ETV1: variants seen among roughly 807,000 people sequenced by gnomAD.
ETV1 encodes the protein ETS translocation variant 1.
ETV1 carries 27 observed loss-of-function variants against 62.3 expected under a neutral mutation model. The observed-to-expected ratio is 0.43, with a 90% CI of 0.32 to 0.60. ETV1 has a LOEUF of 0.60. Ranked by LOEUF, ETV1 falls within the 20% of genes least tolerant of loss-of-function variation. The pLI, the probability that ETV1 is intolerant of heterozygous loss-of-function variation, is 0.06. For synonymous variants in ETV1, 222 were observed against 199.6 expected (o/e 1.11, Z -0.94); for missense variants, 605 against 605.8 (o/e 1.00, Z 0.01).
chr7:13,891,433 C>G lies in ETV1; in HGVS notation c.*4433G>C. ...ACTGGAGTCTATATGCAAAAAAGAC[C>G]CTACCTTACATATGAATCCATAAAC... On this transcript the variant is annotated 3_prime_UTR_variant, in exon 14 of 14. Transcript: ENST00000430479. 1 of 231,446 alleles carries G rather than the reference C, an allele frequency of 4.3e-6. No homozygotes were observed. The highest frequency in any genetic ancestry group is 8.5e-6 in the Non-Finnish European group (1 of 117,086). 14.3% of individuals were successfully genotyped at this position (231,446 alleles called of 1,614,324 possible). A position where few individuals can be genotyped will look rare whatever the true frequency, so the allele number is the denominator to read the frequency against.
At position 13,972,635 on chromosome 7, in the gene ETV1, A is replaced by G. The variant is rs76571592; in HGVS notation, c.235+4792T>C. On this transcript the variant is annotated intron_variant, in intron 6 of 13. Coordinates refer to ENST00000430479, the MANE Select transcript of ETV1 (RefSeq NM_004956.5). Reference sequence around the variant, plus strand: ...ATTAAGCACATCCTAACGTAATTCTATTTTTTCCAACAGAGTGTCTGAGAT... The same window carrying G: ...ATTAAGCACATCCTAACGTAATTCTGTTTTTTCCAACAGAGTGTCTGAGAT... Among the ~76,000 whole-genome samples the G allele has an allele frequency of 9.3e-4, 142 of 152,192 alleles. No homozygotes were observed. In the East Asian group the frequency reaches 0.025, roughly 26 times the overall value.
At position 13,989,146 on chromosome 7, in the gene ETV1, G is replaced by A. The variant is rs1583923668; in HGVS notation, c.-87-7C>T. On this transcript the variant is annotated splice_region_variant and splice_polypyrimidine_tract_variant and intron_variant, in intron 2 of 13. Transcript: ENST00000430479. ...GATCTGGACTTCTATCAACCTAGAGGGGAACAAGATGGCTTTTAGGCTTAA... is the reference window on the plus strand; with the variant it reads ...GATCTGGACTTCTATCAACCTAGAGAGGAACAAGATGGCTTTTAGGCTTAA... 2 of 1,101,976 alleles carry A rather than the reference G, an allele frequency of 1.8e-6. No homozygotes were observed. The highest frequency in any genetic ancestry group is 2.6e-6 in the Non-Finnish European group (2 of 757,474). The allele number at this position is 1,101,976 out of a possible 1,614,324, so 68.3% of individuals were successfully genotyped here.
chr7:13,973,037 C>A (rs1781062892), intron 6 of ETV1, among the ~76,000 whole-genome samples: 1 of 152,176 alleles, frequency 6.6e-6, no homozygotes, highest in Admixed American at 6.5e-5. Context: ...CAGCAACAAA[C>A]AATGCTCAGG....
intron 5 of ETV1, among the ~76,000 whole-genome samples, chr7:13,983,079 A>AT (rs1782163054): frequency 6.6e-6 from 1 of 151,674 alleles, no homozygotes; most frequent in Admixed American, 6.6e-5. Flanking sequence ...TTGCTGTAGA[A>AT]AGGTTGTTCT....
At chr7:13,940,221 G>C (rs1343666209) in intron 6 of ETV1, among the ~76,000 whole-genome samples, 1 of 152,032 alleles carries the variant, frequency 6.6e-6, no homozygotes, top group Non-Finnish European at 1.5e-5. Context: ...AATTAGGCCG[G>C]TATGATGGCA....
Position 13,892,513 on chromosome 7 carries a change from C to T in ETV1, c.*3353G>A. ...TAAATCAATTAGAGTCTTTGCTACA[C>T]AGTCTTCCTCCTCCGTGCGGTGTTC... On this transcript the variant is annotated 3_prime_UTR_variant, in exon 14 of 14. Coordinates refer to ENST00000430479, the MANE Select transcript of ETV1 (RefSeq NM_004956.5). 4.3e-6 allele frequency: 1 copy of T among 232,972 alleles called. No homozygotes were observed. Among genetic ancestry groups the T allele is most frequent in the Non-Finnish European group, 8.5e-6 (1 of 117,888 alleles). 14.4% of individuals were successfully genotyped at this position (232,972 alleles called of 1,614,324 possible). A position where few individuals can be genotyped will look rare whatever the true frequency, so the allele number is the denominator to read the frequency against.
intron 5 of ETV1, among the ~76,000 whole-genome samples, chr7:13,985,050 T>G (rs1000084061): frequency 1.3e-5 from 2 of 151,994 alleles, no homozygotes; most frequent in Non-Finnish European, 2.9e-5. Context: ...TGCACTGACT[T>G]GGAATCAATG....
intron 9 of ETV1, among the ~76,000 whole-genome samples, chr7:13,930,602 T>C (rs975603066): frequency 5.9e-5 from 9 of 151,982 alleles, no homozygotes; most frequent in Non-Finnish European, 8.8e-5. Context: ...ATTACAGGCG[T>C]GAGCCACCAG....
intron 13 of ETV1, among the ~76,000 whole-genome samples, chr7:13,896,355 T>TG (rs1781773478): frequency 6.6e-6 from 1 of 152,308 alleles, no homozygotes; most frequent in African/African-American, 2.4e-5. Context: ...CACAGGAATT[T>TG]GCTTGTCTTA....
intron 6 of ETV1, among the ~76,000 whole-genome samples, chr7:13,957,563 A>G (rs1789632673): frequency 6.6e-6 from 1 of 152,224 alleles, no homozygotes; most frequent in African/African-American, 2.4e-5. Context: ...ACACAATACA[A>G]TGGTGGAAAC....
Position 13,980,415 on chromosome 7 carries a change from A to C in ETV1, c.182-2935T>G, listed in dbSNP as rs77920698. ...TGAAAACTTGCAGCAAGCCATACCA[A>C]CTCCAAAGTTGAAAATTAACAATAG... On this transcript the variant is annotated intron_variant, in intron 5 of 13. Transcript: ENST00000430479. Among the ~76,000 whole-genome samples, 6 of 152,140 alleles carry C rather than the reference A, an allele frequency of 3.9e-5. No homozygotes were observed. The East Asian group carries it at 9.7e-4, about 24-fold the overall frequency.
chr7:13,934,913 G>A (rs1206789596), intron 8 of ETV1, among the ~76,000 whole-genome samples: 1 of 152,070 alleles, frequency 6.6e-6, no homozygotes, highest in Non-Finnish European at 1.5e-5. Flanking sequence ...ACATTTACCA[G>A]CACGCCACTG....
At chr7:13,986,831 CT>C in intron 4 of ETV1, 146 bp from the exon 5 acceptor site, 3 of 650,618 alleles carry the variant, frequency 4.6e-6, no homozygotes, top group Non-Finnish European at 7.9e-6. Flanking sequence ...AGAGGCATAA[CT>C]TAAATATCTC....
chr7:13,982,743 T>C (rs1232245024), intron 5 of ETV1, among the ~76,000 whole-genome samples: 1 of 152,030 alleles, frequency 6.6e-6, no homozygotes, highest in African/African-American at 2.4e-5. Flanking sequence ...TAATGTCGTT[T>C]TTAAAGCCTT....
chr7:13,982,692 T>C (rs1457150078), intron 5 of ETV1, among the ~76,000 whole-genome samples: 2 of 152,062 alleles, frequency 1.3e-5, no homozygotes, highest in Non-Finnish European at 2.9e-5. Context: ...TGTAATTCAA[T>C]GCTTAATTCT....
intron 6 of ETV1, among the ~76,000 whole-genome samples, chr7:13,975,562 CAA>C (rs765452116): frequency 1.2e-4 from 5 of 41,134 alleles, no homozygotes; most frequent in Non-Finnish European, 2.0e-4. Flanking sequence ...GACTCTGTCT[CAA>C]AAAAAAAAAA....
intron 6 of ETV1, among the ~76,000 whole-genome samples, chr7:13,940,503 A>C (rs887402586): frequency 6.6e-6 from 1 of 152,200 alleles, no homozygotes; most frequent in Non-Finnish European, 1.5e-5. Context: ...GGTTTAAAAA[A>C]GGAAAAAATA....
chr7:13,954,333 G>C lies in ETV1; in HGVS notation c.236-15087C>G, dbSNP rs542188599. On this transcript the variant is annotated intron_variant, in intron 6 of 13. Coordinates refer to ENST00000430479, the MANE Select transcript of ETV1 (RefSeq NM_004956.5). The stretch of plus-strand genomic sequence containing the variant: ...TTTAGAATTCATCTCACACGGATTA[G>C]CATGATCTAAACAATTCTTCAAATA... 1.5e-3 allele frequency among the ~76,000 whole-genome samples: 229 copies of C among 152,256 alleles called. 1 individual carries two copies. The highest frequency in any genetic ancestry group is 5.2e-3 in the African/African-American group (215 of 41,544).
chr7:13,954,186 A>C (rs191042005), intron 6 of ETV1, among the ~76,000 whole-genome samples: 19 of 152,324 alleles, frequency 1.2e-4, no homozygotes, highest in Non-Finnish European at 2.6e-4. Context: ...ACATGAAATA[A>C]AATAAAATCA....
Sources: allele counts gnomAD v4.1 joint callset (sites outside exome capture counted in the v4.1 genomes callset), GRCh38; gene constraint gnomAD v4.1.1; transcripts MANE v1.5; gene names NCBI Gene and HGNC (gene_info 2026-07-23, HGNC 2026-07-21).